Variants in C16orf46 observed in about 807,000 individuals in gnomAD.
C16orf46 encodes the protein uncharacterized protein C16orf46.
Under a neutral mutation model 5.5 loss-of-function variants are expected in C16orf46, and 7 were observed. The observed-to-expected ratio is 1.28, with a 90% CI of 0.73 to 2.40. The LOEUF (loss-of-function observed/expected upper bound fraction) is 2.40, where lower values mean the gene tolerates loss of function less well. C16orf46 is among the 30% of genes most tolerant of loss of function. The pLI, the probability that C16orf46 is intolerant of heterozygous loss-of-function variation, is 0.00. For missense variants in C16orf46, 614 were observed against 476.0 expected, an observed-to-expected ratio of 1.29 and a Z score of -2.70; for synonymous variants, 200 against 184.1, an observed-to-expected ratio of 1.09 and a Z score of -0.70.
At position 81,061,339 on chromosome 16, in the gene C16orf46, G is replaced by C. The variant is rs143084248; in HGVS notation, c.1010C>G (p.Ser337Cys). The change falls in exon 4 of 4, where the codon TCC becomes TGC. Residue 337 changes from serine (S) to cysteine (C), a missense_variant. Physicochemically the swap from Ser to Cys is moderately radical, Grantham distance 112. Transcript: ENST00000299578. Reference sequence around the variant, plus strand: ...TCTTGGCTCCTTGGCTTTGAATTTGGATTTGTAGCTTTGCACTCCCCGTTT... The same window carrying C: ...TCTTGGCTCCTTGGCTTTGAATTTGCATTTGTAGCTTTGCACTCCCCGTTT... ...LQKRGVQSYK[S>C]KFKAKEPRSP... The C allele has an allele frequency of 3.1e-6, 5 of 1,614,120 alleles. No homozygotes were observed. The highest frequency in any genetic ancestry group is 1.3e-5 in the African/African-American group (1 of 75,012).
At chr16:81,064,350 G>C (rs1971584807) in intron 2 of C16orf46, among the ~76,000 whole-genome samples, 1 of 131,722 alleles carries the variant, frequency 7.6e-6, no homozygotes, top group South Asian at 2.7e-4. Flanking sequence ...GTTAGAGAGT[G>C]AGATTACATC....
chr16:81,077,023 G>A (rs980188904), intron 1 of C16orf46, 113 bp downstream of exon 1: 4 of 152,484 alleles, frequency 2.6e-5, no homozygotes, highest in African/African-American at 9.6e-5. Flanking sequence ...TAGTGCCTCT[G>A]CCTTTCGCTC....
Position 81,066,514 on chromosome 16 carries a change from G to T in C16orf46, c.-127-233C>A, listed in dbSNP as rs189765451. On this transcript the variant is annotated intron_variant, in intron 1 of 3. Coordinates refer to ENST00000299578, the MANE Select transcript of C16orf46 (RefSeq NM_152337.3). ...GCCACCACGCCTGGCTAATTTTTTT[G>T]TAACTGTCGAGTTTTATTACCCATT... is the stretch of plus-strand genomic sequence containing the variant. Among the ~76,000 whole-genome samples the T allele has an allele frequency of 2.1e-3, 323 of 152,178 alleles. 1 individual carries two copies. The highest frequency in any genetic ancestry group is 7.3e-3 in the African/African-American group (302 of 41,514).
chr16:81,054,637 G>A lies in C16orf46; in HGVS notation c.1144-543C>T, dbSNP rs150245444. On this transcript the variant is annotated intron_variant, in intron 3 of 3. Transcript: ENST00000378611. ...ATTACAGGTATGAGCCACTGCACCC[G>A]GCCACATGTGATATATCTTATTATT... Among the ~76,000 whole-genome samples the A allele has an allele frequency of 2.9e-3, 438 of 151,744 alleles. 1 individual carries two copies. Among genetic ancestry groups the A allele is most frequent in the African/African-American group, 9.8e-3 (407 of 41,370 alleles).
At chr16:81,060,932 G>A (rs1039015184), downstream of C16orf46, 114 of 1,278,126 alleles carry the variant, frequency 8.9e-5, no homozygotes, top group Non-Finnish European at 1.0e-4. Flanking sequence ...GCAGAAGCAC[G>A]TTAACACATG....
At chr16:81,055,096 A>G (rs891621192) in intron 3 of C16orf46, among the ~76,000 whole-genome samples, 2 of 152,238 alleles carry the variant, frequency 1.3e-5, no homozygotes, top group Non-Finnish European at 2.9e-5. Flanking sequence ...TGAAATTTAG[A>G]GAAGTCAGTC....
chr16:81,063,525 C>T (rs1361152554), intron 3 of C16orf46, among the ~76,000 whole-genome samples: 1 of 152,122 alleles, frequency 6.6e-6, no homozygotes, highest in Non-Finnish European at 1.5e-5. Context: ...TTAATGTATC[C>T]AAAGTACTTA....
At position 81,062,087 on chromosome 16, in the gene C16orf46, T is replaced by G. The variant is rs767565356; in HGVS notation, c.262A>C (p.Ile88Leu). 18 of 1,608,498 alleles carry G rather than the reference T, an allele frequency of 1.1e-5. No homozygotes were observed. Among genetic ancestry groups the G allele is most frequent in the Non-Finnish European group, 1.4e-5 (17 of 1,179,742 alleles). The change falls in exon 4 of 4, where the codon ATA becomes CTA. Residue 88 changes from isoleucine (I) to leucine (L), a missense_variant. By Grantham distance (5) the Ile-to-Leu change is conservative. Coordinates refer to ENST00000299578, the MANE Select transcript of C16orf46 (RefSeq NM_152337.3). ...TCCCCTACCCTCGCCTTTTTTGGTATCTTCCTCGGCCAGATGCAGGCAGCT... is the reference window on the plus strand; with the variant it reads ...TCCCCTACCCTCGCCTTTTTTGGTAGCTTCCTCGGCCAGATGCAGGCAGCT... ...SPAACIWPRK[I>L]PKKARVGEGA...
chr16:81,058,946 C>A (rs1415525278), downstream of C16orf46, among the ~76,000 whole-genome samples: 1 of 152,180 alleles, frequency 6.6e-6, no homozygotes, highest in Non-Finnish European at 1.5e-5. Context: ...CCAAACCCAA[C>A]CCTCTGCTGA....
rs1487278351 is a variant in C16orf46 at position 81,053,894 on chromosome 16, G to A, written c.*177C>T. 8.2e-6 allele frequency: 5 copies of A among 608,396 alleles called. No homozygotes were observed. In the South Asian group the frequency reaches 9.1e-5, roughly 11 times the overall value. The allele number at this position is 608,396 out of a possible 1,614,324, so 37.7% of individuals were successfully genotyped here. On this transcript the variant is annotated 3_prime_UTR_variant, in exon 4 of 4. Transcript: ENST00000378611. The stretch of plus-strand genomic sequence containing the variant: ...AAGAGCGAGCCGATGACCATGGCAG[G>A]TGTAAATAAGACCTTGCTCCAAACG...
At position 81,061,879 on chromosome 16, in the gene C16orf46, CGAAAGTA is replaced by C. The variant is rs1971492192; in HGVS notation, c.463_469del (p.Tyr155GlufsTer47). ...GATTTGCAGACTTTTTTTCTCTGCT[CGAAAGTA>C]GGTGGGAAAGCAGATGTCGCTAATT... On this transcript the variant is annotated frameshift_variant, in exon 4 of 4. Transcript: ENST00000299578. LOFTEE classifies it low-confidence loss of function (END_TRUNC). The C allele has an allele frequency of 6.2e-7, 1 of 1,614,088 alleles. No homozygotes were observed.
chr16:81,074,367 A>T (rs1306609545), intron 1 of C16orf46, among the ~76,000 whole-genome samples: 3 of 152,068 alleles, frequency 2.0e-5, no homozygotes, highest in Admixed American at 1.3e-4. Context: ...ATATTTTTTT[A>T]AAAGTGTAAC....
intron 3 of C16orf46, chr16:81,054,187 G>C: frequency 7.7e-7 from 1 of 1,296,348 alleles, no homozygotes; most frequent in Non-Finnish European, 1.1e-6. Context: ...TATGACAAAA[G>C]GATATTCAAC....
chr16:81,066,505 A>T (rs1290251514), intron 1 of C16orf46, among the ~76,000 whole-genome samples: 1 of 152,130 alleles, frequency 6.6e-6, no homozygotes, highest in Middle Eastern at 3.2e-3. Flanking sequence ...ACGCCTGGCT[A>T]ATTTTTTTGT....
Position 81,061,349 on chromosome 16 carries a change from T to C in C16orf46, c.1000A>G (p.Ser334Gly). The C allele has an allele frequency of 1.9e-6, 3 of 1,614,114 alleles. No homozygotes were observed. The highest frequency in any genetic ancestry group is 2.5e-6 in the Non-Finnish European group (3 of 1,180,034). ...TTGGCTTTGAATTTGGATTTGTAGCTTTGCACTCCCCGTTTCTGCAGAAGC... is the reference window on the plus strand; with the variant it reads ...TTGGCTTTGAATTTGGATTTGTAGCCTTGCACTCCCCGTTTCTGCAGAAGC... ...LQLLQKRGVQ[S>G]YKSKFKAKEP... The change falls in exon 4 of 4, where the codon AGC (serine) becomes GGC (glycine). Residue 334 changes from serine (S) to glycine (G), a missense_variant. By Grantham distance (56) the Ser-to-Gly change is moderately conservative. Coordinates refer to ENST00000299578, the MANE Select transcript of C16orf46 (RefSeq NM_152337.3).
Position 81,061,702 on chromosome 16 carries a change from G to C in C16orf46, c.647C>G (p.Ala216Gly), listed in dbSNP as rs375296318. 1.9e-6 allele frequency: 3 copies of C among 1,613,982 alleles called. No homozygotes were observed. In the African/African-American group the frequency reaches 4.0e-5, roughly 22 times the overall value. Residue 216 changes from alanine (A) to glycine (G), a missense_variant, in exon 4 of 4, where the codon GCT becomes GGT. Ala to Gly is a moderately conservative substitution (Grantham distance 60, BLOSUM62 0). Coordinates refer to ENST00000299578, the MANE Select transcript of C16orf46 (RefSeq NM_152337.3). ...RALLVLPPLK[A>G]SLSNALDVLG... ...AACATCCAAAGCATTTGAAAGTGAA[G>C]CCTTCAGGGGAGGCAGAACTAGGAG...
intron 1 of C16orf46, among the ~76,000 whole-genome samples, chr16:81,068,912 C>A (rs1385388484): frequency 1.3e-5 from 2 of 151,926 alleles, no homozygotes; most frequent in African/African-American, 4.8e-5. Context: ...ACCATGTTGG[C>A]CAAGCTGGTC....
downstream of C16orf46, among the ~76,000 whole-genome samples, chr16:81,058,512 G>T (rs966395651): frequency 1.3e-5 from 2 of 152,194 alleles, no homozygotes; most frequent in African/African-American, 4.8e-5. Flanking sequence ...AATTAAGATG[G>T]ATTGGACCCA....
At position 81,061,656 on chromosome 16, in the gene C16orf46, GT is replaced by G; in HGVS notation, c.692del (p.Asn231ThrfsTer25). The G allele has an allele frequency of 6.2e-7, 1 of 1,614,182 alleles. No homozygotes were observed. On this transcript the variant is annotated frameshift_variant, in exon 4 of 4. Coordinates refer to ENST00000299578, the MANE Select transcript of C16orf46 (RefSeq NM_152337.3). LOFTEE classifies it low-confidence loss of function (END_TRUNC). ...CCTTCTCTTCTGACTGCAAGAAAGA[GT>G]TCTTACTCTTCTTACCCAGAACATC... ...ALDVLGKKSKNSFLQSEEKVL... is the reference protein window; with the variant it reads ...ALDVLGKKSKXSFLQSEEKVL...
Sources: allele counts gnomAD v4.1 joint callset (sites outside exome capture counted in the v4.1 genomes callset), GRCh38; gene constraint gnomAD v4.1.1; transcripts MANE v1.5; gene names NCBI Gene and HGNC (gene_info 2026-07-23, HGNC 2026-07-21).